Variants in SDK1 observed in about 807,000 individuals in gnomAD.
The protein encoded by SDK1 is protein sidekick-1.
Under a neutral mutation model 245.5 loss-of-function variants are expected in SDK1, and 157 were observed. The observed-to-expected ratio is 0.64, with a 90% confidence interval of 0.56 to 0.73. The LOEUF (loss-of-function observed/expected upper bound fraction) is 0.73. Ranked by LOEUF, SDK1 falls within the 30% of genes least tolerant of loss-of-function variation. The pLI is 0.00. For synonymous variants in SDK1, 1,647 were observed against 1,278.5 expected (o/e 1.29, Z -6.15); for missense variants, 3,583 against 3,002.3 (o/e 1.19, Z -4.52).
chr7:3,948,985 A>G (rs910060168), intron 5 of SDK1, among the ~76,000 whole-genome samples: 1 of 152,218 alleles, frequency 6.6e-6, no homozygotes, highest in Non-Finnish European at 1.5e-5. Context: ...CCACTTTCAC[A>G]GATGACAGGC....
At chr7:3,544,125 A>C (rs760413727) in intron 1 of SDK1, among the ~76,000 whole-genome samples, 1 of 152,180 alleles carries the variant, frequency 6.6e-6, no homozygotes, top group African/African-American at 2.4e-5. Flanking sequence ...ACCTGGCCTT[A>C]TAGCATCAAT....
intron 1 of SDK1, among the ~76,000 whole-genome samples, chr7:3,539,637 C>T (rs535406790): frequency 5.9e-5 from 9 of 152,228 alleles, no homozygotes; most frequent in South Asian, 4.2e-4. Flanking sequence ...TGACATAATT[C>T]GTGATGTGTA....
At chr7:3,882,084 G>C (rs1388746838) in intron 5 of SDK1, among the ~76,000 whole-genome samples, 1 of 152,206 alleles carries the variant, frequency 6.6e-6, no homozygotes, top group Non-Finnish European at 1.5e-5. Flanking sequence ...AGACAAGAGA[G>C]AAACGAGAGC....
At chr7:4,101,659 T>G (rs1782557400) in intron 22 of SDK1, among the ~76,000 whole-genome samples, 1 of 152,132 alleles carries the variant, frequency 6.6e-6, no homozygotes, top group African/African-American at 2.4e-5. Context: ...AAATAGAGCC[T>G]TCCACAGGCG....
At chr7:3,723,285 C>T (rs549252487) in intron 4 of SDK1, among the ~76,000 whole-genome samples, 2 of 152,238 alleles carry the variant, frequency 1.3e-5, no homozygotes, top group South Asian at 2.1e-4. Context: ...GACATAAATT[C>T]GTATGATTAC....
At chr7:3,938,659 A>AAAAAAAAAAAAAAAAAAAAAAAAG (rs1554284813) in intron 5 of SDK1, among the ~76,000 whole-genome samples, 3 of 150,954 alleles carry the variant, frequency 2.0e-5, no homozygotes, top group African/African-American at 7.4e-5. Flanking sequence ...AAAAAAAAAA[A>AAAAAAAAAAAAAAAAAAAAAAAAG]AGAGATCCTC....
chr7:3,771,199 A>G (rs1374843948), intron 4 of SDK1, among the ~76,000 whole-genome samples: 1 of 151,996 alleles, frequency 6.6e-6, no homozygotes, highest in Admixed American at 6.6e-5. Flanking sequence ...ATTCTTCAGC[A>G]AGCCCACCTG....
At chr7:4,143,582 A>G (rs538922178) in intron 28 of SDK1, among the ~76,000 whole-genome samples, 1 of 152,324 alleles carries the variant, frequency 6.6e-6, no homozygotes, top group African/African-American at 2.4e-5. Context: ...ATTCCAGCCC[A>G]GAGGTGCACC....
chr7:3,905,095 A>G (rs887155450), intron 5 of SDK1, among the ~76,000 whole-genome samples: 2 of 151,918 alleles, frequency 1.3e-5, no homozygotes, highest in African/African-American at 4.8e-5. Flanking sequence ...AAATACAATC[A>G]TTTTTAAAGT....
chr7:3,581,539 C>T (rs957045142), intron 1 of SDK1, among the ~76,000 whole-genome samples: 3 of 152,070 alleles, frequency 2.0e-5, no homozygotes, highest in Non-Finnish European at 4.4e-5. Context: ...CACTTACACA[C>T]CGTTGTGGGG....
intron 33 of SDK1, 55 bp downstream of exon 33, chr7:4,174,412 G>T (rs1030887149): frequency 1.5e-5 from 23 of 1,576,864 alleles, no homozygotes; most frequent in Non-Finnish European, 1.9e-5. Flanking sequence ...GGGGACCCTT[G>T]GTATCTGCTC....
intron 1 of SDK1, among the ~76,000 whole-genome samples, chr7:3,412,712 AGTGT>A (rs1242872972): frequency 6.6e-6 from 1 of 152,136 alleles, no homozygotes; most frequent in African/African-American, 2.4e-5. Context: ...ATAGGTTGCG[AGTGT>A]ATGAAAGACT....
At chr7:3,792,099 G>A (rs1490949593) in intron 4 of SDK1, among the ~76,000 whole-genome samples, 1 of 152,026 alleles carries the variant, frequency 6.6e-6, no homozygotes, top group Admixed American at 6.6e-5. Flanking sequence ...CTGCACTCCC[G>A]CCTGGGCAAC....
chr7:4,080,792 G>T (rs960410898), intron 22 of SDK1, among the ~76,000 whole-genome samples: 1 of 151,922 alleles, frequency 6.6e-6, no homozygotes, highest in Non-Finnish European at 1.5e-5. Flanking sequence ...CACCAACATG[G>T]CACATGTATA....
chr7:3,528,821 C>CAG (rs144044795), intron 1 of SDK1, among the ~76,000 whole-genome samples: 1 of 152,014 alleles, frequency 6.6e-6, no homozygotes. Flanking sequence ...GTGGAAGACT[C>CAG]AGAGAGAGAG....
At chr7:3,462,393 TAGCATTTCCCAA>T (rs1393791020) in intron 1 of SDK1, among the ~76,000 whole-genome samples, 1 of 152,204 alleles carries the variant, frequency 6.6e-6, no homozygotes, top group Non-Finnish European at 1.5e-5. Context: ...TATTGAATGT[TAGCATTTCCCAA>T]AGCTAGACCT....
chr7:3,726,037 T>C (rs1296001075), intron 4 of SDK1, among the ~76,000 whole-genome samples: 1 of 152,230 alleles, frequency 6.6e-6, no homozygotes, highest in African/African-American at 2.4e-5. Flanking sequence ...ATTTGCTAAG[T>C]GTGCTTGAAG....
At chr7:3,322,908 C>T (rs931096493) in intron 1 of SDK1, among the ~76,000 whole-genome samples, 1 of 152,142 alleles carries the variant, frequency 6.6e-6, no homozygotes, top group African/African-American at 2.4e-5. Context: ...CTCCCAGGTT[C>T]AAACAGTCCT....
intron 14 of SDK1, among the ~76,000 whole-genome samples, chr7:3,989,711 G>A (rs994041418): frequency 2.0e-5 from 3 of 152,136 alleles, no homozygotes; most frequent in Admixed American, 6.5e-5. Flanking sequence ...GTTCTGCCGT[G>A]GCTCTTCCCA....
Sources: allele counts gnomAD v4.1 joint callset (sites outside exome capture counted in the v4.1 genomes callset), GRCh38; gene constraint gnomAD v4.1.1; transcripts MANE v1.5; gene names NCBI Gene and HGNC (gene_info 2026-07-23, HGNC 2026-07-21).